Variants in ARL8B observed in about 807,000 individuals in gnomAD.
The protein encoded by ARL8B is ARF like GTPase 8B, also known as ADP-ribosylation factor-like protein 8B.
ARL8B carries 9 observed loss-of-function variants against 30.6 expected under a neutral mutation model. The ratio of observed to expected loss-of-function variants is 0.29; its 90% confidence interval spans 0.18 to 0.51. ARL8B has a LOEUF of 0.51. Among genes scored for constraint, ARL8B ranks in the 20% least tolerant of loss-of-function variants. The pLI is 0.97. For missense variants in ARL8B, 130 were observed against 227.2 expected (o/e 0.57, Z 2.75); for synonymous variants, 74 against 76.0 (o/e 0.97, Z 0.14).
chr3:5,145,159 A>C (rs1313082804), intron 1 of ARL8B, among the ~76,000 whole-genome samples: 2 of 152,082 alleles, frequency 1.3e-5, no homozygotes, highest in East Asian at 3.9e-4. Context: ...AGCTTCCCTA[A>C]GGTCAGGTTT....
rs118069644 is a variant in ARL8B, at chr3:5,163,538, C to T, written c.124-6965C>T. ...TGTATATATGATTCTTGAAATGTTA[C>T]TGTAGTGAATGATTATGAACATATT... On this transcript the variant is annotated intron_variant, in intron 1 of 6. Transcript: ENST00000256496. Among the ~76,000 whole-genome samples the T allele has an allele frequency of 9.9e-5, 15 of 152,212 alleles. No individual in the cohort carries two copies. In the East Asian group the frequency reaches 2.9e-3, roughly 29 times the overall value.
intron 1 of ARL8B, among the ~76,000 whole-genome samples, chr3:5,144,359 T>C (rs1053824153): frequency 6.6e-6 from 1 of 152,250 alleles, no homozygotes; most frequent in African/African-American, 2.4e-5. Context: ...GTCTTCCTCC[T>C]GTGGCCTGTT....
intron 1 of ARL8B, among the ~76,000 whole-genome samples, chr3:5,154,049 AG>A (rs1192009945): frequency 4.6e-5 from 7 of 151,930 alleles, no homozygotes; most frequent in African/African-American, 1.4e-4. Context: ...GCTGCTTTTA[AG>A]ATATTTTCTT....
intron 1 of ARL8B, among the ~76,000 whole-genome samples, chr3:5,157,318 A>T (rs917578299): frequency 1.3e-5 from 2 of 152,128 alleles, no homozygotes; most frequent in African/African-American, 4.8e-5. Context: ...ACTTTATCAG[A>T]TGTATTACTC....
intron 1 of ARL8B, among the ~76,000 whole-genome samples, chr3:5,169,872 A>G (rs1171189944): frequency 4.6e-5 from 7 of 152,244 alleles, no homozygotes; most frequent in Non-Finnish European, 2.9e-5. Context: ...AAAGAGGCAC[A>G]ATTCGAGTTC....
chr3:5,164,352 G>C (rs2054606742), intron 1 of ARL8B, among the ~76,000 whole-genome samples: 1 of 152,150 alleles, frequency 6.6e-6, no homozygotes. Context: ...TTTGTCTTCT[G>C]TTTTGAGATG....
At chr3:5,150,839 A>G (rs889628389) in intron 1 of ARL8B, among the ~76,000 whole-genome samples, 1 of 152,222 alleles carries the variant, frequency 6.6e-6, no homozygotes, top group African/African-American at 2.4e-5. Flanking sequence ...AAATAATTCT[A>G]GTCCCGGGAT....
intron 1 of ARL8B, among the ~76,000 whole-genome samples, chr3:5,130,168 T>G (rs2054269479): frequency 1.3e-5 from 2 of 150,502 alleles, no homozygotes; most frequent in Admixed American, 1.3e-4. Context: ...CTGACCAAGG[T>G]CATATTCTCT....
At position 5,135,943 on chromosome 3, in the gene ARL8B, C is replaced by T. The variant is rs114926200; in HGVS notation, c.123+13355C>T. Among the ~76,000 whole-genome samples, 1,364 of 151,388 alleles carry T rather than the reference C, an allele frequency of 9.0e-3. 17 individuals carry two copies. Among genetic ancestry groups the T allele is most frequent in the African/African-American group, 0.031 (1,281 of 41,310 alleles). ...CTGGGATTACAGGCACATGCTGCCC[C>T]GCGTGGCTAATTTTTTTGTATTTTA... is the stretch of plus-strand genomic sequence containing the variant. On this transcript the variant is annotated intron_variant, in intron 1 of 6. Transcript: ENST00000256496.
rs140126369 is a variant in ARL8B at position 5,128,017 on chromosome 3, A to G, written c.123+5429A>G. Among the ~76,000 whole-genome samples the G allele has an allele frequency of 6.3e-3, 953 of 151,456 alleles. 5 individuals carry two copies. Among genetic ancestry groups the G allele is most frequent in the Non-Finnish European group, 9.0e-3 (611 of 67,830 alleles). ...AGCCTGACCAACATGATGAAACCCC[A>G]TCTGTACTAAAAATACAAAAATTAG... On this transcript the variant is annotated intron_variant, in intron 1 of 6. Transcript: ENST00000256496.
chr3:5,127,872 CA>C (rs748657502), intron 1 of ARL8B, among the ~76,000 whole-genome samples: 463 of 10,558 alleles, frequency 0.044, 1 homozygote, highest in African/African-American at 0.1. Context: ...GACTCCGTCT[CA>C]AAAAAAAAAA....
At chr3:5,169,068 A>G (rs1575573815) in intron 1 of ARL8B, among the ~76,000 whole-genome samples, 1 of 152,154 alleles carries the variant, frequency 6.6e-6, no homozygotes, top group East Asian at 1.9e-4. Flanking sequence ...CTGTATGATG[A>G]CTAGTTTTTT....
chr3:5,144,990 A>G lies in ARL8B; in HGVS notation c.123+22402A>G, dbSNP rs1000952916. The stretch of plus-strand genomic sequence containing the variant: ...AGCTTTAGCGCCTGGTTAAAAGCAT[A>G]TAATTCACAGGTTTGGGCCAACCAA... On this transcript the variant is annotated intron_variant, in intron 1 of 6. Transcript: ENST00000256496. Among the ~76,000 whole-genome samples the G allele has an allele frequency of 8.5e-5, 13 of 152,338 alleles. No individual in the cohort carries two copies. The South Asian group carries it at 1.0e-3, about 12-fold the overall frequency.
At chr3:5,174,959 C>A (rs188058256) in intron 6 of ARL8B, among the ~76,000 whole-genome samples, 1 of 151,546 alleles carries the variant, frequency 6.6e-6, no homozygotes, top group African/African-American at 2.4e-5. Context: ...TGCACCACCA[C>A]GCCCGGCTAA....
chr3:5,128,348 A>C, intron 1 of ARL8B: 1 of 379,726 alleles, frequency 2.6e-6, no homozygotes, highest in East Asian at 9.1e-5. Flanking sequence ...GGTGGTCTTC[A>C]AGTATAGATT....
At chr3:5,172,091 CT>C in intron 2 of ARL8B, 58 bp from the exon 3 acceptor site, 1 of 1,457,248 alleles carries the variant, frequency 6.9e-7, no homozygotes, top group Non-Finnish European at 9.6e-7. Context: ...CTGTTACTTC[CT>C]CTTGCAATCA....
rs1475688409 is a variant in ARL8B at position 5,167,180 on chromosome 3, A to C, written c.124-3323A>C. Among the ~76,000 whole-genome samples, 4 of 152,304 alleles carry C rather than the reference A, an allele frequency of 2.6e-5. No homozygotes were observed. In the East Asian group the frequency reaches 5.8e-4, roughly 22 times the overall value. The stretch of plus-strand genomic sequence containing the variant: ...CAAGTTCCAGGTACACTGCCTTGCA[A>C]CTTTGGCTTATAGGAGGGTAAGCAT... On this transcript the variant is annotated intron_variant, in intron 1 of 6. Coordinates refer to ENST00000256496, the MANE Select transcript of ARL8B (RefSeq NM_018184.3).
chr3:5,126,117 CTT>C (rs75985076), intron 1 of ARL8B, among the ~76,000 whole-genome samples: 127 of 145,590 alleles, frequency 8.7e-4, no homozygotes, highest in Non-Finnish European at 7.6e-4. Context: ...GAATTTCATA[CTT>C]TTTTTTTTTT....
chr3:5,168,318 G>T (rs1358929599), intron 1 of ARL8B, among the ~76,000 whole-genome samples: 1 of 152,182 alleles, frequency 6.6e-6, no homozygotes, highest in African/African-American at 2.4e-5. Flanking sequence ...CAACCTGCCT[G>T]TCTCAGCCTC....
Sources: gnomAD v4.1 joint callset for allele counts (sites outside exome capture counted in the v4.1 genomes callset) on GRCh38, gnomAD v4.1.1 for gene constraint, MANE v1.5 for transcripts, NCBI Gene and HGNC (gene_info 2026-07-23, HGNC 2026-07-21) for gene names.